ATP6V0D2: variants seen among roughly 807,000 people sequenced by gnomAD.
ATP6V0D2 encodes the protein V-type proton ATPase subunit d 2.
In ATP6V0D2, 40 loss-of-function variants were observed where a neutral mutation model predicts 40.0. That is an observed-to-expected ratio of 1.00 (90% confidence interval 0.78 to 1.30). The LOEUF is 1.30. ATP6V0D2 is among the 50% of genes most tolerant of loss of function. The pLI is 0.00. For missense variants in ATP6V0D2, 470 were observed against 423.1 expected, an observed-to-expected ratio of 1.11 and a Z score of -0.97; for synonymous variants, 179 against 156.3, an observed-to-expected ratio of 1.15 and a Z score of -1.08.
At position 86,113,757 on chromosome 8, in the gene ATP6V0D2, A is replaced by G; in HGVS notation, c.179A>G (p.Asn60Ser). ...ACTGATTATGGTAACTTTTTGGCTAATCACACAAATCCTCTTACTGTTTCC... is the reference window on the plus strand; with the variant it reads ...ACTGATTATGGTAACTTTTTGGCTAGTCACACAAATCCTCTTACTGTTTCC... ...QTTDYGNFLA[N>S]HTNPLTVSKI... The change falls in exon 2 of 8, where the codon AAT (asparagine) becomes AGT (serine). Residue 60 changes from asparagine (N) to serine (S), a missense_variant. Coordinates refer to ENST00000285393, the MANE Select transcript of ATP6V0D2 (RefSeq NM_152565.1). 1 of 1,613,098 alleles carries G rather than the reference A, an allele frequency of 6.2e-7. No homozygotes were observed. Among genetic ancestry groups the G allele is most frequent in the Non-Finnish European group, 8.5e-7 (1 of 1,179,456 alleles).
intron 1 of ATP6V0D2, among the ~76,000 whole-genome samples, chr8:86,100,522 G>T (rs1202808026): frequency 1.3e-5 from 2 of 152,178 alleles, no homozygotes; most frequent in Admixed American, 1.3e-4. Context: ...TAAAGCCAGA[G>T]TTCAGACAGA....
At chr8:86,132,351 A>G (rs150628392) in intron 2 of ATP6V0D2, among the ~76,000 whole-genome samples, 1 of 152,128 alleles carries the variant, frequency 6.6e-6, no homozygotes, top group East Asian at 1.9e-4. Context: ...CCATCAGTCT[A>G]TTTTGTAATA....
intron 2 of ATP6V0D2, among the ~76,000 whole-genome samples, chr8:86,131,808 C>T (rs4523232): frequency 0.044 from 6,650 of 152,100 alleles, 464 homozygotes; most frequent in African/African-American, 0.15. Flanking sequence ...GCCTTATGTC[C>T]ATTTAAAAAC....
intron 2 of ATP6V0D2, 85 bp downstream of exon 2, chr8:86,113,965 A>C: frequency 7.7e-7 from 1 of 1,296,000 alleles, no homozygotes; most frequent in Non-Finnish European, 1.0e-6. Context: ...ATCAAGCCAG[A>C]GTGAGACTTA....
chr8:86,129,564 C>G (rs1225743617), intron 2 of ATP6V0D2, among the ~76,000 whole-genome samples: 1 of 152,034 alleles, frequency 6.6e-6, no homozygotes, highest in Non-Finnish European at 1.5e-5. Context: ...GTAATCCCTG[C>G]ACTTTGGGAG....
intron 6 of ATP6V0D2, 75 bp from the exon 7 acceptor site, chr8:86,151,391 A>C (rs1819149156): frequency 9.5e-7 from 1 of 1,047,196 alleles, no homozygotes; most frequent in Admixed American, 3.0e-5. Context: ...AATTTCTATA[A>C]TGCTAGGAAA....
chr8:86,138,077 G>A (rs937811930), intron 2 of ATP6V0D2, among the ~76,000 whole-genome samples: 1 of 151,922 alleles, frequency 6.6e-6, no homozygotes, highest in Non-Finnish European at 1.5e-5. Context: ...CTTGTCTTTC[G>A]GGGCCCAACA....
intron 7 of ATP6V0D2, 110 bp from the exon 8 acceptor site, chr8:86,152,706 G>A (rs888999517): frequency 1.8e-6 from 2 of 1,104,138 alleles, no homozygotes; most frequent in Non-Finnish European, 1.2e-6. Context: ...GAGATTGCCT[G>A]TTTAAACACA....
Position 86,113,919 on chromosome 8 carries a change from C to T in ATP6V0D2, c.302+39C>T, listed in dbSNP as rs545129775. ...GAAAGCCCTAATAAGCCCCAATGTA[C>T]TCGTGCGGATGACCCCTAACAATTA... On this transcript the variant is annotated intron_variant, in intron 2 of 7. Transcript: ENST00000285393. 2.9e-5 allele frequency: 46 copies of T among 1,563,558 alleles called. No individual in the cohort carries two copies. The East Asian group carries it at 7.3e-4, about 25-fold the overall frequency.
At chr8:86,114,679 A>ATAAAT (rs66965750) in intron 2 of ATP6V0D2, among the ~76,000 whole-genome samples, 76,874 of 151,372 alleles carry the variant, frequency 0.51, 19,888 homozygotes, top group Non-Finnish European at 0.56. Context: ...CAAAAATAAA[A>ATAAAT]TAAATTAAAA....
chr8:86,118,002 T>TTTTCTTTC lies in ATP6V0D2; in HGVS notation c.302+4142_302+4149dup, dbSNP rs71574256. Among the ~76,000 whole-genome samples, 128 of 137,054 alleles carry TTTTCTTTC rather than the reference T, an allele frequency of 9.3e-4. 2 individuals carry two copies. The highest frequency in any genetic ancestry group is 3.3e-3 in the Admixed American group (45 of 13,778). 89.9% of individuals were successfully genotyped at this position (137,054 alleles called of 152,430 possible). A position where few individuals can be genotyped will look rare whatever the true frequency, so the allele number is the denominator to read the frequency against. ...AGTGTTTTTCTTTTCTTTCTCTTTG[T>TTTTCTTTC]TTTCTTTCTTTCTTTCTTTCTTTCT... On this transcript the variant is annotated intron_variant, in intron 2 of 7. Coordinates refer to ENST00000285393, the MANE Select transcript of ATP6V0D2 (RefSeq NM_152565.1).
At chr8:86,135,355 G>A (rs1045485755) in intron 2 of ATP6V0D2, among the ~76,000 whole-genome samples, 2 of 152,200 alleles carry the variant, frequency 1.3e-5, no homozygotes, top group Non-Finnish European at 2.9e-5. Flanking sequence ...TAGGGAGCAG[G>A]AGGAGAAAGA....
At chr8:86,127,208 G>A (rs1424131027) in intron 2 of ATP6V0D2, among the ~76,000 whole-genome samples, 1 of 152,168 alleles carries the variant, frequency 6.6e-6, no homozygotes, top group Non-Finnish European at 1.5e-5. Flanking sequence ...GAAATCACGC[G>A]ATATGACAGG....
intron 5 of ATP6V0D2, among the ~76,000 whole-genome samples, chr8:86,144,728 A>G (rs1336712096): frequency 1.3e-5 from 2 of 152,138 alleles, no homozygotes; most frequent in Admixed American, 1.3e-4. Context: ...GTGCAGTGGC[A>G]TGATCATGGC....
intron 2 of ATP6V0D2, among the ~76,000 whole-genome samples, chr8:86,139,004 G>A (rs1164022062): frequency 6.6e-6 from 1 of 152,192 alleles, no homozygotes; most frequent in African/African-American, 2.4e-5. Context: ...AAGGCGGGCA[G>A]ATCACTTGAC....
chr8:86,135,992 T>C (rs1391055807), intron 2 of ATP6V0D2, among the ~76,000 whole-genome samples: 1 of 152,128 alleles, frequency 6.6e-6, no homozygotes, highest in African/African-American at 2.4e-5. Context: ...CAGCCAATGA[T>C]AATTATATAC....
intron 2 of ATP6V0D2, among the ~76,000 whole-genome samples, chr8:86,134,604 T>C (rs1240893185): frequency 6.6e-6 from 1 of 152,138 alleles, no homozygotes; most frequent in Non-Finnish European, 1.5e-5. Context: ...CTCTGAAAAA[T>C]AGTCTTGCAG....
At chr8:86,101,470 A>G (rs1391172841) in intron 1 of ATP6V0D2, among the ~76,000 whole-genome samples, 17 of 146,006 alleles carry the variant, frequency 1.2e-4, no homozygotes, top group African/African-American at 4.7e-4. Flanking sequence ...AGGAAAAAAA[A>G]AAAAAAAAAA....
At chr8:86,121,601 G>GGAGGAT (rs1554588155) in intron 2 of ATP6V0D2, among the ~76,000 whole-genome samples, 2 of 134,080 alleles carry the variant, frequency 1.5e-5, no homozygotes, top group Non-Finnish European at 3.4e-5. Context: ...AGGAGGAGGA[G>GGAGGAT]GAGGAGGAGG....
Sources: gnomAD v4.1 joint callset for allele counts (sites outside exome capture counted in the v4.1 genomes callset) on GRCh38, gnomAD v4.1.1 for gene constraint, MANE v1.5 for transcripts, NCBI Gene and HGNC (gene_info 2026-07-23, HGNC 2026-07-21) for gene names.